Variants in MAPK8IP2 observed in about 807,000 individuals in gnomAD.
MAPK8IP2 encodes mitogen-activated protein kinase 8 interacting protein 2, also known as C-Jun-amino-terminal kinase-interacting protein 2.
A neutral mutation model predicts 75.6 loss-of-function variants in MAPK8IP2; 15 were observed. The observed-to-expected ratio is 0.20, with a 90% CI of 0.13 to 0.31. MAPK8IP2 has a LOEUF of 0.31. MAPK8IP2 is among the 10% of genes least tolerant of loss of function. The pLI is 1.00. For missense variants in MAPK8IP2, 1,089 were observed against 1,211.2 expected, an observed-to-expected ratio of 0.90 and a Z score of 1.50; for synonymous variants, 632 against 554.5, an observed-to-expected ratio of 1.14 and a Z score of -1.96.
rs1208785642 is a variant in MAPK8IP2, at chr22:50,611,057, C to G, written c.*278C>G. The G allele has an allele frequency of 4.7e-6, 2 of 430,102 alleles. No homozygotes were observed. The highest frequency in any genetic ancestry group is 2.0e-5 in the African/African-American group (1 of 49,232). The allele number at this position is 430,102 out of a possible 1,614,324, so 26.6% of individuals were successfully genotyped here. The stretch of plus-strand genomic sequence containing the variant: ...CCTTCCCAGTCTCCCTTTTCTCTCT[C>G]CTGGTGTCTCTGCCCCTCTCTGTGC... On this transcript the variant is annotated 3_prime_UTR_variant, in exon 12 of 12. Transcript: ENST00000329492. This position sits in a 1 kb window ranked among gnomAD's most constrained non-coding sequence, Gnocchi z 5.5.
In MAPK8IP2 at chr22:50,603,982, T is replaced by C. The variant is rs1486230489; in HGVS notation, c.683T>C (p.Ile228Thr). 1 of 1,560,222 alleles carries C rather than the reference T, an allele frequency of 6.4e-7. No individual in the cohort carries two copies. Among genetic ancestry groups the C allele is most frequent in the South Asian group, 1.2e-5 (1 of 85,782 alleles). The change falls in exon 5 of 12, where the codon ATC becomes ACC. Residue 228 changes from isoleucine (I) to threonine (T), a missense_variant. Physicochemically the swap from Ile to Thr is moderately conservative, Grantham distance 89 (BLOSUM62 -1). Around this residue, in one of 2 missense-constraint regions of MAPK8IP2, gnomAD observed 960 missense variants for 1,009.6 expected, o/e 0.95. Coordinates refer to ENST00000329492, the MANE Select transcript of MAPK8IP2 (RefSeq NM_012324.6). ...GGTSPSSDPG[I>T]EADLRSRSSG... The stretch of plus-strand genomic sequence containing the variant: ...ACTTCGCCCTCCTCAGATCCCGGCA[T>C]CGAGGCTGACCTGAGAAGCCGCTCG...
In MAPK8IP2 at chr22:50,610,589, G is replaced by T. The variant is rs531933930; in HGVS notation, c.2403-118G>T. On this transcript the variant is annotated intron_variant, in intron 11 of 11. Transcript: ENST00000329492. This position sits in a 1 kb window ranked among gnomAD's most constrained non-coding sequence, Gnocchi z 4.3. ...GGGGGTGACATGGCCATGCCTGGGT[G>T]GGGGGTTATGGATGGCTGCAGAGGG... 9.7e-5 allele frequency: 80 copies of T among 825,688 alleles called. No individual in the cohort carries two copies. The highest frequency in any genetic ancestry group is 1.3e-4 in the Non-Finnish European group (67 of 509,820). 51.1% of individuals were successfully genotyped at this position (825,688 alleles called of 1,614,324 possible).
In MAPK8IP2 at chr22:50,604,976, C is replaced by T; in HGVS notation, c.1677C>T (p.Val559=). The T allele has an allele frequency of 6.2e-7, 1 of 1,612,374 alleles. No individual in the cohort carries two copies. The highest frequency in any genetic ancestry group is 8.5e-7 in the Non-Finnish European group (1 of 1,179,786). The change falls in exon 5 of 12, where the codon GTC becomes GTT. Residue 559 remains valine (V), a synonymous_variant. Transcript: ENST00000329492. ...CGGCGCTGCTAGGCGGCGGTCAGGT[C>T]TCGGGGGACACCTCGCCGGACAGCC... The part of the protein sequence containing the change: ...AGAALLGGGQ[V]SGDTSPDSPD...
rs1180392698 is a variant in MAPK8IP2, at chr22:50,611,975, C to T, written c.*1196C>T. ...TCACCTGAGGTCAGGAGTTTGAGAC[C>T]AGCTTGGCCAACATGGTGAAACCCC... On this transcript the variant is annotated 3_prime_UTR_variant, in exon 12 of 12. Coordinates refer to ENST00000329492, the MANE Select transcript of MAPK8IP2 (RefSeq NM_012324.6). This position sits in a 1 kb window ranked among gnomAD's most constrained non-coding sequence, Gnocchi z 5.5. 1 of 152,126 alleles carries T rather than the reference C, an allele frequency of 6.6e-6. No individual in the cohort carries two copies. 9.4% of individuals were successfully genotyped at this position (152,126 alleles called of 1,614,324 possible).
In MAPK8IP2 at chr22:50,607,072, C is replaced by A; in HGVS notation, c.2303+81C>A. On this transcript the variant is annotated intron_variant, in intron 10 of 11. Transcript: ENST00000329492. The surrounding 1 kb of genome is among the most constrained non-coding windows in gnomAD (Gnocchi z 5.6). ...CAACCGCCCCCTGAGTCCCCACAGA[C>A]CCTGAGGGCTGCCCGTGCCCAGCCC... The A allele has an allele frequency of 8.8e-7, 1 of 1,142,124 alleles. No individual in the cohort carries two copies. Among genetic ancestry groups the A allele is most frequent in the South Asian group, 1.2e-5 (1 of 80,504 alleles). The allele number at this position is 1,142,124 out of a possible 1,614,324, so 70.7% of individuals were successfully genotyped here. A position where few individuals can be genotyped will look rare whatever the true frequency, so the allele number is the denominator to read the frequency against.
chr22:50,604,057 G>C lies in MAPK8IP2; in HGVS notation c.758G>C (p.Gly253Ala). 6.5e-7 allele frequency: 1 copy of C among 1,542,714 alleles called. No individual in the cohort carries two copies. Among genetic ancestry groups the C allele is most frequent in the Non-Finnish European group, 8.7e-7 (1 of 1,152,416 alleles). ...RRSSQELSSP[G>A]SDSEDAGGAR... ...AGCAGCCAGGAGCTGTCCTCGCCCG[G>C]CTCCGACTCGGAGGACGCGGGCGGC... Residue 253 changes from glycine to alanine, a missense_variant, in exon 5 of 12, where the codon GGC (glycine) becomes GCC (alanine). Gly to Ala is a moderately conservative substitution (Grantham distance 60, BLOSUM62 0). Transcript: ENST00000329492.
At chr22:50,603,081 C>A (rs555824647) in intron 2 of MAPK8IP2, 142 bp from the exon 3 acceptor site, 3 of 1,525,902 alleles carry the variant, frequency 2.0e-6, no homozygotes, top group East Asian at 2.3e-5. Context: ...TTGAAAACAT[C>A]GCCCTGTAGA....
chr22:50,604,951 C>T lies in MAPK8IP2; in HGVS notation c.1652C>T (p.Ala551Val), dbSNP rs1354195107. The T allele has an allele frequency of 1.9e-6, 3 of 1,611,270 alleles. No homozygotes were observed. Among genetic ancestry groups the T allele is most frequent in the Admixed American group, 1.7e-5 (1 of 59,918 alleles). The change falls in exon 5 of 12, where the codon GCG becomes GTG. Residue 551 changes from alanine to valine, a missense_variant. Coordinates refer to ENST00000329492, the MANE Select transcript of MAPK8IP2 (RefSeq NM_012324.6). ...GGEASEEEAG[A>V]ALLGGGQVSG... ...GAGGCCAGCGAGGAGGAGGCGGGCG[C>T]GGCGCTGCTAGGCGGCGGTCAGGTC...
chr22:50,602,983 G>C, intron 2 of MAPK8IP2: 1 of 717,678 alleles, frequency 1.4e-6, no homozygotes, highest in South Asian at 2.1e-5. Context: ...AGTGGGGCTG[G>C]GGCTGCTCTG....
rs1019536026 is a variant in MAPK8IP2, at chr22:50,607,709, A to C, written c.2303+718A>C. Among the ~76,000 whole-genome samples the C allele has an allele frequency of 6.6e-6, 1 of 151,950 alleles. No homozygotes were observed. The highest frequency in any genetic ancestry group is 2.4e-5 in the African/African-American group (1 of 41,346). On this transcript the variant is annotated intron_variant, in intron 10 of 11. Coordinates refer to ENST00000329492, the MANE Select transcript of MAPK8IP2 (RefSeq NM_012324.6). The surrounding 1 kb of genome is among the most constrained non-coding windows in gnomAD (Gnocchi z 5.6). ...TGGTTGTACTGCAGCCCACACACCG[A>C]GAGGGGATGCGGGATCAATCACAAA... is the stretch of plus-strand genomic sequence containing the variant.
Position 50,604,430 on chromosome 22 carries a change from G to A in MAPK8IP2, c.1131G>A (p.Pro377=), listed in dbSNP as rs2071004218. The stretch of plus-strand genomic sequence containing the variant: ...CCGGCCAGTGCCTGTCTCCTGCGCC[G>A]CGCCCGCCCGGGGAGCCCGTGTCGC... ...RCPGQCLSPA[P]RPPGEPVSPA... is the part of the protein sequence containing the mutation. Residue 377 remains proline, a synonymous_variant, in exon 5 of 12, where the codon CCG becomes CCA. Transcript: ENST00000329492. 10 of 1,444,936 alleles carry A rather than the reference G, an allele frequency of 6.9e-6. No individual in the cohort carries two copies. Among genetic ancestry groups the A allele is most frequent in the Non-Finnish European group, 8.2e-6 (9 of 1,101,888 alleles). The allele number at this position is 1,444,936 out of a possible 1,614,324, so 89.5% of individuals were successfully genotyped here.
Position 50,604,178 on chromosome 22 carries a change from C to A in MAPK8IP2, c.879C>A (p.Leu293=). The A allele has an allele frequency of 6.5e-7, 1 of 1,548,812 alleles. No homozygotes were observed. The highest frequency in any genetic ancestry group is 8.7e-7 in the Non-Finnish European group (1 of 1,155,474). The part of the protein sequence containing the change: ...GSSSSGRSSH[L]TNSIEEASSP... ...GCAGCAGCGGCCGCTCCTCGCACCT[C>A]ACCAACTCCATCGAGGAGGCCTCGT... Residue 293 remains leucine (L), a synonymous_variant, in exon 5 of 12, where the codon CTC becomes CTA. Transcript: ENST00000329492.
In MAPK8IP2 at chr22:50,610,349, A is replaced by T; in HGVS notation, c.2402+39A>T. The T allele has an allele frequency of 6.5e-7, 1 of 1,527,348 alleles. No homozygotes were observed. The highest frequency in any genetic ancestry group is 8.9e-7 in the Non-Finnish European group (1 of 1,119,694). The allele number at this position is 1,527,348 out of a possible 1,614,324, so 94.6% of individuals were successfully genotyped here. ...CAGGGTGTGGGTGCAGAATGGGTGC[A>T]GGGTTACGGAGGTGGGGAGCGGAGG... On this transcript the variant is annotated intron_variant, in intron 11 of 11. Coordinates refer to ENST00000329492, the MANE Select transcript of MAPK8IP2 (RefSeq NM_012324.6). The surrounding 1 kb of genome is among the most constrained non-coding windows in gnomAD (Gnocchi z 4.3).
rs762030156 is a variant in MAPK8IP2, at chr22:50,606,917, C to T, written c.2233-4C>T. ...ACAGGGACTTCTGCCCACCTCTGCTCTAGTTCCAGCGCTGCAGCCATTTCT... is the reference window on the plus strand; with the variant it reads ...ACAGGGACTTCTGCCCACCTCTGCTTTAGTTCCAGCGCTGCAGCCATTTCT... On this transcript the variant is annotated splice_region_variant and splice_polypyrimidine_tract_variant and intron_variant, in intron 9 of 11. Transcript: ENST00000329492. 1 of 1,613,816 alleles carries T rather than the reference C, an allele frequency of 6.2e-7. No homozygotes were observed. Among genetic ancestry groups the T allele is most frequent in the South Asian group, 1.1e-5 (1 of 91,088 alleles).
Position 50,604,414 on chromosome 22 carries a change from G to C in MAPK8IP2, c.1115G>C (p.Cys372Ser). The C allele has an allele frequency of 6.7e-7, 1 of 1,501,668 alleles. No individual in the cohort carries two copies. Among genetic ancestry groups the C allele is most frequent in the Non-Finnish European group, 8.8e-7 (1 of 1,130,098 alleles). The allele number at this position is 1,501,668 out of a possible 1,614,324, so 93.0% of individuals were successfully genotyped here. Residue 372 changes from cysteine to serine, a missense_variant, in exon 5 of 12, where the codon TGC (cysteine) becomes TCC (serine). By Grantham distance (112) the Cys-to-Ser change is moderately radical. Around this residue, in one of 2 missense-constraint regions of MAPK8IP2, gnomAD observed 960 missense variants for 1,009.6 expected, o/e 0.95. Transcript: ENST00000329492. ...TCGCCCATCCGCTGCCCCGGCCAGT[G>C]CCTGTCTCCTGCGCCGCGCCCGCCC... is the stretch of plus-strand genomic sequence containing the variant. Reference protein sequence around the residue: ...GSSPIRCPGQCLSPAPRPPGE... With the variant: ...GSSPIRCPGQSLSPAPRPPGE...
At chr22:50,608,271 G>A (rs906030500) in intron 10 of MAPK8IP2, among the ~76,000 whole-genome samples, 63 of 151,786 alleles carry the variant, frequency 4.2e-4, no homozygotes, top group Middle Eastern at 7.0e-3. Flanking sequence ...GTGGGACAGC[G>A]GGCAGCGATG....
Position 50,604,424 on chromosome 22 carries a change from T to C in MAPK8IP2, c.1125T>C (p.Pro375=). Residue 375 remains proline (P), a synonymous_variant, in exon 5 of 12, where the codon CCT becomes CCC. Coordinates refer to ENST00000329492, the MANE Select transcript of MAPK8IP2 (RefSeq NM_012324.6). ...GCTGCCCCGGCCAGTGCCTGTCTCC[T>C]GCGCCGCGCCCGCCCGGGGAGCCCG... is the stretch of plus-strand genomic sequence containing the variant. The part of the protein sequence containing the change: ...PIRCPGQCLS[P]APRPPGEPVS... The C allele has an allele frequency of 2.1e-6, 3 of 1,456,312 alleles. No homozygotes were observed. The highest frequency in any genetic ancestry group is 1.8e-6 in the Non-Finnish European group (2 of 1,107,366). The allele number at this position is 1,456,312 out of a possible 1,614,324, so 90.2% of individuals were successfully genotyped here.
In MAPK8IP2 at chr22:50,605,074, A is replaced by T; in HGVS notation, c.1765+10A>T. 1.9e-6 allele frequency: 3 copies of T among 1,612,118 alleles called. No homozygotes were observed. The highest frequency in any genetic ancestry group is 1.7e-6 in the Non-Finnish European group (2 of 1,179,746). On this transcript the variant is annotated intron_variant, in intron 5 of 11. Transcript: ENST00000329492. ...ACATCTCGGTCCTCCAGTGAGTGAG[A>T]GGTGGGGAAAAGGGGGGTGGCCCAG...
chr22:50,602,999 C>T, intron 2 of MAPK8IP2: 1 of 862,938 alleles, frequency 1.2e-6, no homozygotes, highest in Non-Finnish European at 1.7e-6. Context: ...CTCTGAGAAT[C>T]CCTGTCATTC....
Sources: allele counts gnomAD v4.1 joint callset (sites outside exome capture counted in the v4.1 genomes callset), GRCh38; gene constraint gnomAD v4.1.1; regional missense constraint gnomAD v4.1.1; non-coding constraint Gnocchi (gnomAD v3.1); transcripts MANE v1.5; gene names NCBI Gene and HGNC (gene_info 2026-07-23, HGNC 2026-07-21).